Variants in AP3B1 observed in about 807,000 individuals in gnomAD.
AP3B1 encodes adaptor related protein complex 3 subunit beta 1.
AP3B1 carries 61 observed loss-of-function variants against 132.5 expected under a neutral mutation model. The observed-to-expected ratio is 0.46, with a 90% CI of 0.37 to 0.57. The LOEUF is 0.57. Among genes scored for constraint, AP3B1 ranks in the 20% least tolerant of loss-of-function variants. The pLI is 0.00. For synonymous variants in AP3B1, 388 were observed against 438.3 expected, an observed-to-expected ratio of 0.89 and a Z score of 1.43; for missense variants, 1,120 against 1,289.4, an observed-to-expected ratio of 0.87 and a Z score of 2.01.
intron 17 of AP3B1, among the ~76,000 whole-genome samples, chr5:78,119,533 T>C (rs1044767390): frequency 1.3e-5 from 2 of 152,014 alleles, no homozygotes; most frequent in African/African-American, 4.8e-5. Flanking sequence ...TCGAGAACTA[T>C]GTGAAGAACG....
At chr5:78,084,339 C>G (rs998480897) in intron 22 of AP3B1, among the ~76,000 whole-genome samples, 8 of 151,522 alleles carry the variant, frequency 5.3e-5, no homozygotes, top group Admixed American at 1.3e-4. Context: ...AAAAAATTAG[C>G]CAATAAATTA....
chr5:78,247,637 C>A (rs1422438435), intron 2 of AP3B1, among the ~76,000 whole-genome samples: 1 of 151,912 alleles, frequency 6.6e-6, no homozygotes, highest in Non-Finnish European at 1.5e-5. Flanking sequence ...AAAGTTTACT[C>A]TCTCTGATAT....
At chr5:78,263,171 G>C (rs1373844648) in intron 2 of AP3B1, among the ~76,000 whole-genome samples, 1 of 152,030 alleles carries the variant, frequency 6.6e-6, no homozygotes, top group African/African-American at 2.4e-5. Context: ...CCATTTATTT[G>C]TGTCTTCTTT....
At chr5:78,291,503 G>A (rs951088709) in intron 1 of AP3B1, among the ~76,000 whole-genome samples, 1 of 147,718 alleles carries the variant, frequency 6.8e-6, no homozygotes, top group Non-Finnish European at 1.5e-5. Flanking sequence ...TCATGAAGAT[G>A]GACAACCTAT....
At chr5:78,151,881 C>T (rs1322801453) in intron 14 of AP3B1, among the ~76,000 whole-genome samples, 1 of 48,048 alleles carries the variant, frequency 2.1e-5, no homozygotes, top group South Asian at 1.7e-3. Flanking sequence ...TCTCCCCATC[C>T]CTCCTCTCCC....
chr5:78,207,109 T>A (rs1049060150), intron 7 of AP3B1, among the ~76,000 whole-genome samples: 3 of 151,544 alleles, frequency 2.0e-5, no homozygotes, highest in African/African-American at 7.3e-5. Context: ...AACACAAAAA[T>A]TAGGCAGGTG....
In AP3B1 at chr5:78,003,072, A is replaced by G. The variant is rs1373286115; in HGVS notation, c.3132-17T>C. Reference sequence around the variant, plus strand: ...GCTGCAAACCTGGAAGAGAAAAAAGAGAGACCTTTTATCATAAGATGGGGA... The same window carrying G: ...GCTGCAAACCTGGAAGAGAAAAAAGGGAGACCTTTTATCATAAGATGGGGA... On this transcript the variant is annotated splice_polypyrimidine_tract_variant and intron_variant, in intron 26 of 26. Transcript: ENST00000255194. 6.2e-7 allele frequency: 1 copy of G among 1,613,602 alleles called. No individual in the cohort carries two copies. Among genetic ancestry groups the G allele is most frequent in the Non-Finnish European group, 8.5e-7 (1 of 1,179,852 alleles).
chr5:78,102,875 A>C (rs1751186885), intron 20 of AP3B1, among the ~76,000 whole-genome samples: 1 of 152,146 alleles, frequency 6.6e-6, no homozygotes. Context: ...ATATCTATTA[A>C]ATACATATCA....
chr5:78,117,965 G>C (rs1230421172), intron 17 of AP3B1, among the ~76,000 whole-genome samples: 2 of 152,130 alleles, frequency 1.3e-5, no homozygotes, highest in Non-Finnish European at 2.9e-5. Flanking sequence ...GTCTTTGCTA[G>C]AGTACCTATT....
intron 22 of AP3B1, among the ~76,000 whole-genome samples, chr5:78,062,143 C>T (rs1749086038): frequency 6.6e-6 from 1 of 152,170 alleles, no homozygotes; most frequent in Non-Finnish European, 1.5e-5. Context: ...GTATTTTCCT[C>T]CTACACAGTC....
At chr5:78,293,505 CTACCCAATAT>C (rs1192331780) in intron 1 of AP3B1, among the ~76,000 whole-genome samples, 2 of 152,230 alleles carry the variant, frequency 1.3e-5, no homozygotes, top group Non-Finnish European at 2.9e-5. Flanking sequence ...ACTTTCTAGA[CTACCCAATAT>C]TGTTAGTAAC....
At chr5:78,050,948 G>A (rs1431943289) in intron 22 of AP3B1, among the ~76,000 whole-genome samples, 1 of 152,034 alleles carries the variant, frequency 6.6e-6, no homozygotes, top group Non-Finnish European at 1.5e-5. Flanking sequence ...GTAACAATGA[G>A]ATAATCCTCT....
chr5:78,168,595 G>GTT (rs1743763321), intron 11 of AP3B1, among the ~76,000 whole-genome samples: 1 of 152,080 alleles, frequency 6.6e-6, no homozygotes, highest in African/African-American at 2.4e-5. Flanking sequence ...TGTTGCTGTT[G>GTT]TTTTTCTGAA....
chr5:78,122,033 T>C (rs1210892761), intron 17 of AP3B1, among the ~76,000 whole-genome samples: 1 of 152,236 alleles, frequency 6.6e-6, no homozygotes, highest in Non-Finnish European at 1.5e-5. Flanking sequence ...GATGCAAGGC[T>C]GGTTCAACAT....
At chr5:78,127,846 A>G (rs1752525099) in intron 17 of AP3B1, among the ~76,000 whole-genome samples, 184 bp downstream of exon 17, 1 of 152,174 alleles carries the variant, frequency 6.6e-6, no homozygotes, top group Non-Finnish European at 1.5e-5. Context: ...GTACATGTAC[A>G]ATGGCATAGG....
chr5:78,067,484 C>T (rs1001356047), intron 22 of AP3B1, among the ~76,000 whole-genome samples: 2 of 152,238 alleles, frequency 1.3e-5, no homozygotes, highest in Admixed American at 6.5e-5. Flanking sequence ...CTCAGTGCCA[C>T]ATGGCACTTA....
At chr5:78,089,548 A>G in intron 21 of AP3B1, 49 bp from the exon 22 acceptor site, 1 of 1,195,868 alleles carries the variant, frequency 8.4e-7, no homozygotes. Flanking sequence ...GTTTAATTCA[A>G]ATTATTAAAA....
chr5:78,204,610 TG>T (rs971586304), intron 7 of AP3B1, among the ~76,000 whole-genome samples: 3 of 152,224 alleles, frequency 2.0e-5, no homozygotes, highest in African/African-American at 7.2e-5. Context: ...TTACTCCCAT[TG>T]ATATCTATTG....
rs1239457788 is a variant in AP3B1 at position 78,128,124 on chromosome 5, G to A, written c.1874C>T (p.Thr625Ile). Residue 625 changes from threonine to isoleucine, a missense_variant, in exon 17 of 27, where the codon ACT becomes ATT. Thr to Ile is a moderately conservative substitution (Grantham distance 89). This residue lies in a region of AP3B1 where 906 missense variants were observed against 997.1 expected (regional missense o/e 0.91). Transcript: ENST00000255194. ...DHFQLGTLSH[T>I]LNIKATGYLE... ...GTACCCAGTAGCTTTAATGTTGAGAGTATGAGATAAGGTGCCAAGCTGGAA... is the reference window on the plus strand; with the variant it reads ...GTACCCAGTAGCTTTAATGTTGAGAATATGAGATAAGGTGCCAAGCTGGAA... 4 of 1,611,960 alleles carry A rather than the reference G, an allele frequency of 2.5e-6. No individual in the cohort carries two copies. Among genetic ancestry groups the A allele is most frequent in the Admixed American group, 1.7e-5 (1 of 59,932 alleles).
Sources: gnomAD v4.1 joint callset for allele counts (sites outside exome capture counted in the v4.1 genomes callset) on GRCh38, gnomAD v4.1.1 for gene constraint, gnomAD v4.1.1 regional missense constraint, MANE v1.5 for transcripts, NCBI Gene and HGNC (gene_info 2026-07-23, HGNC 2026-07-21) for gene names.